ABHD15: variants seen among roughly 807,000 people sequenced by gnomAD.
ABHD15 encodes abhydrolase domain containing 15.
In ABHD15, 34 loss-of-function variants were observed where a neutral mutation model predicts 34.4. The observed-to-expected ratio is 0.99, with a 90% confidence interval of 0.75 to 1.32. ABHD15 has a LOEUF of 1.32. ABHD15 is among the 40% of genes most tolerant of loss of function. ABHD15 has a pLI of 0.00. For missense variants in ABHD15, 644 were observed against 650.4 expected (o/e 0.99, Z 0.11); for synonymous variants, 314 against 299.2 (o/e 1.05, Z -0.51).
chr17:29,564,926 C>T (rs1161363238), intron 1 of ABHD15, among the ~76,000 whole-genome samples: 1 of 152,082 alleles, frequency 6.6e-6, no homozygotes, highest in Non-Finnish European at 1.5e-5. Context: ...CCACTGCACT[C>T]CAGCCTGGGC....
At position 29,561,185 on chromosome 17, in the gene ABHD15, C is replaced by T. The variant is rs2032624073; in HGVS notation, c.*1376G>A. 2 of 152,206 alleles carry T rather than the reference C, an allele frequency of 1.3e-5. No individual in the cohort carries two copies. The highest frequency in any genetic ancestry group is 6.5e-5 in the Admixed American group (1 of 15,286). 9.4% of individuals were successfully genotyped at this position (152,206 alleles called of 1,614,324 possible). A position where few individuals can be genotyped will look rare whatever the true frequency, so the allele number is the denominator to read the frequency against. Reference sequence around the variant, plus strand: ...GTATAAGCAGCTCTCTTCTTTACAACAGCTTTGCTGTTTTTGAGGTCAGAA... The same window carrying T: ...GTATAAGCAGCTCTCTTCTTTACAATAGCTTTGCTGTTTTTGAGGTCAGAA... On this transcript the variant is annotated 3_prime_UTR_variant, in exon 2 of 2. Coordinates refer to ENST00000307201, the MANE Select transcript of ABHD15 (RefSeq NM_198147.3).
intron 1 of ABHD15, among the ~76,000 whole-genome samples, chr17:29,565,310 C>T (rs980134248): frequency 4.0e-5 from 6 of 151,358 alleles, no homozygotes; most frequent in South Asian, 2.1e-4. Flanking sequence ...TACATATATG[C>T]GTGTGTGTGT....
rs1598542123 is a variant in ABHD15, at chr17:29,560,867, G to A, written c.*1694C>T. On this transcript the variant is annotated 3_prime_UTR_variant, in exon 2 of 2. Transcript: ENST00000307201. Reference sequence around the variant, plus strand: ...GATGAGGTTTCACTGTGTTAGCCAGGATGGTCTCGATCTCCTGACCTCGTG... The same window carrying A: ...GATGAGGTTTCACTGTGTTAGCCAGAATGGTCTCGATCTCCTGACCTCGTG... 1 of 152,242 alleles carries A rather than the reference G, an allele frequency of 6.6e-6. No homozygotes were observed. Among genetic ancestry groups the A allele is most frequent in the South Asian group, 2.1e-4 (1 of 4,816 alleles). The allele number at this position is 152,242 out of a possible 1,614,324, so 9.4% of individuals were successfully genotyped here.
At chr17:29,565,131 G>A (rs1296395238) in intron 1 of ABHD15, among the ~76,000 whole-genome samples, 3 of 151,914 alleles carry the variant, frequency 2.0e-5, no homozygotes, top group Admixed American at 2.0e-4. Context: ...GGTGGTGCAC[G>A]CCTGTAGTCC....
chr17:29,566,307 T>C lies in ABHD15; in HGVS notation c.660A>G (p.Thr220=). 9 of 1,611,736 alleles carry C rather than the reference T, an allele frequency of 5.6e-6. No homozygotes were observed. The highest frequency in any genetic ancestry group is 7.6e-6 in the Non-Finnish European group (9 of 1,179,330). ...CCGCCGGGTGTCGGAAGCGGATGTA[T>C]GTGACCGCCTCCTTGAGGTCGGACG... ...GDPSDLKEAV[T]YIRFRHPAAP... The change falls in exon 1 of 2, where the codon ACA becomes ACG. Residue 220 remains threonine (T), a synonymous_variant. Coordinates refer to ENST00000307201, the MANE Select transcript of ABHD15 (RefSeq NM_198147.3).
chr17:29,566,594 C>G lies in ABHD15; in HGVS notation c.373G>C (p.Glu125Gln), dbSNP rs1234307061. Residue 125 changes from glutamate (E) to glutamine (Q), a missense_variant, in exon 1 of 2, where the codon GAG (glutamate) becomes CAG (glutamine). Physicochemically the swap from Glu to Gln is conservative, Grantham distance 29. Transcript: ENST00000307201. ...CCATCGTCCGCCAACTGCAGGTACT[C>G]CCGGGCCAGCTCAGGCCCAGGCGCT... is the stretch of plus-strand genomic sequence containing the variant. ...PVAPGPELAR[E>Q]YLQLADDGLV... is the part of the protein sequence containing the mutation. The G allele has an allele frequency of 6.2e-7, 1 of 1,608,330 alleles. No individual in the cohort carries two copies. Among genetic ancestry groups the G allele is most frequent in the Non-Finnish European group, 8.5e-7 (1 of 1,179,052 alleles).
rs1232365896 is a variant in ABHD15 at position 29,566,769 on chromosome 17, C to G, written c.198G>C (p.Leu66=). 1.3e-6 allele frequency: 2 copies of G among 1,522,684 alleles called. No homozygotes were observed. The highest frequency in any genetic ancestry group is 5.0e-5 in the East Asian group (2 of 40,354). The allele number at this position is 1,522,684 out of a possible 1,614,324, so 94.3% of individuals were successfully genotyped here. Reference sequence around the variant, plus strand: ...TGCAAACAAGGCTGCACCCTCCCGGCAGTGGCTCGCGCCCGTCGCTGAACT... The same window carrying G: ...TGCAAACAAGGCTGCACCCTCCCGGGAGTGGCTCGCGCCCGTCGCTGAACT... ...ADQFSDGREP[L]PGGCSLVCKP... The change falls in exon 1 of 2, where the codon CTG becomes CTC. Residue 66 remains leucine, a synonymous_variant. Transcript: ENST00000307201.
At position 29,562,879 on chromosome 17, in the gene ABHD15, A is replaced by G; in HGVS notation, c.1089T>C (p.Cys363=). 1 of 1,614,142 alleles carries G rather than the reference A, an allele frequency of 6.2e-7. No individual in the cohort carries two copies. The highest frequency in any genetic ancestry group is 8.5e-7 in the Non-Finnish European group (1 of 1,180,032). ...LCICSADDPV[C]GPPDHTLTTE... is the part of the protein sequence containing the mutation. ...TTGTCAGAGTGTGGTCTGGGGGTCC[A>G]CACACGGGGTCGTCAGCACTGCAGA... is the stretch of plus-strand genomic sequence containing the variant. Residue 363 remains cysteine (C), a synonymous_variant, in exon 2 of 2, where the codon TGT becomes TGC. Transcript: ENST00000307201.
chr17:29,566,345 G>T lies in ABHD15; in HGVS notation c.622C>A (p.Pro208Thr). ...TTGAGGTCGGACGGGTCCCCGAAAGGCTGCAGCCGGGGGCTGACCAGTGGG... is the reference window on the plus strand; with the variant it reads ...TTGAGGTCGGACGGGTCCCCGAAAGTCTGCAGCCGGGGGCTGACCAGTGGG... ...GCPLVSPRLQ[P>T]FGDPSDLKEA... The change falls in exon 1 of 2, where the codon CCT (proline) becomes ACT (threonine). Residue 208 changes from proline to threonine, a missense_variant. Pro to Thr is a conservative substitution (Grantham distance 38). Coordinates refer to ENST00000307201, the MANE Select transcript of ABHD15 (RefSeq NM_198147.3). The T allele has an allele frequency of 6.2e-7, 1 of 1,611,172 alleles. No individual in the cohort carries two copies. Among genetic ancestry groups the T allele is most frequent in the Non-Finnish European group, 8.5e-7 (1 of 1,178,712 alleles).
chr17:29,564,629 G>A (rs978908309), intron 1 of ABHD15, among the ~76,000 whole-genome samples: 3 of 152,186 alleles, frequency 2.0e-5, no homozygotes, highest in African/African-American at 7.2e-5. Flanking sequence ...CAAGGCGGGT[G>A]GATTCCCTGA....
chr17:29,566,321 T>C lies in ABHD15; in HGVS notation c.646A>G (p.Lys216Glu). 2 of 1,611,608 alleles carry C rather than the reference T, an allele frequency of 1.2e-6. No homozygotes were observed. The highest frequency in any genetic ancestry group is 1.7e-6 in the Non-Finnish European group (2 of 1,179,178). Residue 216 changes from lysine to glutamate, a missense_variant, in exon 1 of 2, where the codon AAG becomes GAG. Lys to Glu is a moderately conservative substitution (Grantham distance 56). Transcript: ENST00000307201. ...AAGCGGATGTATGTGACCGCCTCCT[T>C]GAGGTCGGACGGGTCCCCGAAAGGC... is the stretch of plus-strand genomic sequence containing the variant. ...LQPFGDPSDL[K>E]EAVTYIRFRH...
Position 29,566,493 on chromosome 17 carries a change from C to A in ABHD15, c.474G>T (p.Ala158=). Residue 158 remains alanine, a synonymous_variant, in exon 1 of 2, where the codon GCG becomes GCT. Coordinates refer to ENST00000307201, the MANE Select transcript of ABHD15 (RefSeq NM_198147.3). ...ACGCATTGGGGATCACCAGAAGCACCGCAGGAAGGCCCCCGGCGCTGGTGA... is the reference window on the plus strand; with the variant it reads ...ACGCATTGGGGATCACCAGAAGCACAGCAGGAAGGCCCCCGGCGCTGGTGA... ...RRITSAGGLP[A]VLLVIPNAWG... 6.2e-7 allele frequency: 1 copy of A among 1,611,766 alleles called. No homozygotes were observed. The highest frequency in any genetic ancestry group is 8.5e-7 in the Non-Finnish European group (1 of 1,179,792).
chr17:29,566,441 C>G lies in ABHD15; in HGVS notation c.526G>C (p.Gly176Arg), dbSNP rs770347389. ...AWGRLTRNVL[G>R]LCLLALERGY... is the part of the protein sequence containing the mutation. ...CGCTCCAGGGCGAGCAAGCAAAGGC[C>G]GAGCACGTTGCGGGTGAGGCGACCC... is the stretch of plus-strand genomic sequence containing the variant. The change falls in exon 1 of 2, where the codon GGC becomes CGC. Residue 176 changes from glycine to arginine, a missense_variant. Gly to Arg is a moderately radical substitution (Grantham distance 125). Transcript: ENST00000307201. The G allele has an allele frequency of 1.2e-5, 20 of 1,612,352 alleles. No individual in the cohort carries two copies. The South Asian group carries it at 2.0e-4, about 16-fold the overall frequency.
Position 29,562,797 on chromosome 17 carries a change from G to A in ABHD15, c.1171C>T (p.His391Tyr), listed in dbSNP as rs1174620607. The A allele has an allele frequency of 1.2e-6, 2 of 1,613,246 alleles. No homozygotes were observed. The highest frequency in any genetic ancestry group is 1.7e-6 in the Non-Finnish European group (2 of 1,179,410). Residue 391 changes from histidine (H) to tyrosine (Y), a missense_variant, in exon 2 of 2, where the codon CAC (histidine) becomes TAC (tyrosine). Physicochemically the swap from His to Tyr is moderately conservative, Grantham distance 83. Coordinates refer to ENST00000307201, the MANE Select transcript of ABHD15 (RefSeq NM_198147.3). ...FFLLLSRHGG[H>Y]CGFLRQEPLP... ...GGCTCCTGGCGCAGGAAGCCACAGT[G>A]GCCTCCGTGGCGACTGAGCAGGAGG... is the stretch of plus-strand genomic sequence containing the variant.
Position 29,562,933 on chromosome 17 carries a change from G to A in ABHD15, c.1035C>T (p.Val345=), listed in dbSNP as rs759734185. ...ACAGCACAGGCACGGCTGCCTCATC[G>A]ACATCCCGGAGCGGGTCGTTGCGGT... ...YWDRNDPLRD[V]DEAAVPVLCI... The change falls in exon 2 of 2, where the codon GTC becomes GTT. Residue 345 remains valine, a synonymous_variant. Coordinates refer to ENST00000307201, the MANE Select transcript of ABHD15 (RefSeq NM_198147.3). 9 of 1,613,998 alleles carry A rather than the reference G, an allele frequency of 5.6e-6. No individual in the cohort carries two copies. Among genetic ancestry groups the A allele is most frequent in the South Asian group, 1.1e-5 (1 of 91,086 alleles).
Position 29,562,922 on chromosome 17 carries a change from G to A in ABHD15, c.1046C>T (p.Ala349Val). 1 of 1,614,136 alleles carries A rather than the reference G, an allele frequency of 6.2e-7. No individual in the cohort carries two copies. Among genetic ancestry groups the A allele is most frequent in the Non-Finnish European group, 8.5e-7 (1 of 1,180,046 alleles). The change falls in exon 2 of 2, where the codon GCC becomes GTC. Residue 349 changes from alanine to valine, a missense_variant. Physicochemically the swap from Ala to Val is moderately conservative, Grantham distance 64. Transcript: ENST00000307201. ...ACTGCAGATACACAGCACAGGCACGGCTGCCTCATCGACATCCCGGAGCGG... is the reference window on the plus strand; with the variant it reads ...ACTGCAGATACACAGCACAGGCACGACTGCCTCATCGACATCCCGGAGCGG... ...NDPLRDVDEAAVPVLCICSAD... is the reference protein window; with the variant it reads ...NDPLRDVDEAVVPVLCICSAD...
Position 29,566,826 on chromosome 17 carries a change from C to T in ABHD15, c.141G>A (p.Gly47=), listed in dbSNP as rs1567758219. Residue 47 remains glycine (G), a synonymous_variant, in exon 1 of 2, where the codon GGG becomes GGA. Transcript: ENST00000307201. ...TLPGAQDRDD[G]EEADGGGPAD... Reference sequence around the variant, plus strand: ...CCGGGCCTCCGCCGTCCGCCTCCTCCCCGTCGTCTCGGTCTTGGGCCCCCG... The same window carrying T: ...CCGGGCCTCCGCCGTCCGCCTCCTCTCCGTCGTCTCGGTCTTGGGCCCCCG... 25 of 1,518,086 alleles carry T rather than the reference C, an allele frequency of 1.6e-5. No homozygotes were observed. Among genetic ancestry groups the T allele is most frequent in the Non-Finnish European group, 2.0e-5 (23 of 1,140,838 alleles). The allele number at this position is 1,518,086 out of a possible 1,614,324, so 94.0% of individuals were successfully genotyped here.
chr17:29,562,525 T>C lies in ABHD15; in HGVS notation c.*36A>G, dbSNP rs747952644. ...ACTCCCCCTTGCCCAGCTCTGTTTT[T>C]CTTTGCAGGACTTGGGGGTTCTCAG... On this transcript the variant is annotated 3_prime_UTR_variant, in exon 2 of 2. Transcript: ENST00000307201. The C allele has an allele frequency of 1.3e-6, 2 of 1,576,528 alleles. No homozygotes were observed. Among genetic ancestry groups the C allele is most frequent in the South Asian group, 2.3e-5 (2 of 86,538 alleles).
At position 29,566,404 on chromosome 17, in the gene ABHD15, G is replaced by A. The variant is rs1451867931; in HGVS notation, c.563C>T (p.Pro188Leu). 1 of 1,611,744 alleles carries A rather than the reference G, an allele frequency of 6.2e-7. No homozygotes were observed. Among genetic ancestry groups the A allele is most frequent in the Admixed American group, 1.7e-5 (1 of 59,960 alleles). Residue 188 changes from proline (P) to leucine (L), a missense_variant, in exon 1 of 2, where the codon CCG (proline) becomes CTG (leucine). Pro to Leu is a moderately conservative substitution (Grantham distance 98, BLOSUM62 -3). Coordinates refer to ENST00000307201, the MANE Select transcript of ABHD15 (RefSeq NM_198147.3). Reference sequence around the variant, plus strand: ...GTGGCCGCGGCGATGGAAGATGACCGGGTAGTAGCCGCGCTCCAGGGCGAG... The same window carrying A: ...GTGGCCGCGGCGATGGAAGATGACCAGGTAGTAGCCGCGCTCCAGGGCGAG... ...CLLALERGYY[P>L]VIFHRRGHHG...
Sources: allele counts gnomAD v4.1 joint callset (sites outside exome capture counted in the v4.1 genomes callset), GRCh38; gene constraint gnomAD v4.1.1; transcripts MANE v1.5; gene names NCBI Gene and HGNC (gene_info 2026-07-23, HGNC 2026-07-21).